The following ZSCAN5A variants were observed in gnomAD, a reference collection of about 807,000 sequenced individuals.
ZSCAN5A encodes the protein zinc finger and SCAN domain-containing protein 5A.
ZSCAN5A carries 12 observed loss-of-function variants against 23.7 expected under a neutral mutation model. That is an observed-to-expected ratio of 0.51 (90% CI 0.32 to 0.82). The LOEUF (loss-of-function observed/expected upper bound fraction) is 0.82. Among genes scored for constraint, ZSCAN5A ranks in the 40% least tolerant of loss-of-function variants. The pLI is 0.03. For missense variants in ZSCAN5A, 597 were observed against 617.9 expected, an observed-to-expected ratio of 0.97 and a Z score of 0.36; for synonymous variants, 257 against 239.9, an observed-to-expected ratio of 1.07 and a Z score of -0.66.
At chr19:56,247,015 G>A (rs748549763) in intron 2 of ZSCAN5A, 3 of 1,074,704 alleles carry the variant, frequency 2.8e-6, no homozygotes, top group Non-Finnish European at 1.4e-6. Flanking sequence ...TGCAGGTGCA[G>A]TCAGTCACCC....
intron 2 of ZSCAN5A, among the ~76,000 whole-genome samples, chr19:56,362,009 T>TACAAAAAATACAAAAAA (rs1315407640): frequency 1.3e-5 from 2 of 151,064 alleles, no homozygotes; most frequent in East Asian, 3.9e-4. Flanking sequence ...ATACAAAAAA[T>TACAAAAAATACAAAAAA]TAGCTGGGCG....
intron 2 of ZSCAN5A, chr19:56,246,871 C>T (rs1168347998): frequency 6.2e-7 from 1 of 1,610,720 alleles, no homozygotes. Flanking sequence ...CGCTCTGAAT[C>T]TGAGATGTCC....
intron 2 of ZSCAN5A, among the ~76,000 whole-genome samples, chr19:56,336,178 T>C (rs1265157475): frequency 1.3e-5 from 2 of 152,242 alleles, no homozygotes; most frequent in Non-Finnish European, 2.9e-5. Flanking sequence ...CTGCAGAGTG[T>C]TTTCCAACTT....
intron 2 of ZSCAN5A, among the ~76,000 whole-genome samples, chr19:56,264,019 G>C (rs560665668): frequency 4.0e-5 from 6 of 149,238 alleles, no homozygotes; most frequent in African/African-American, 1.2e-4. Flanking sequence ...ACCCATGCTG[G>C]AGTGCAATGG....
At chr19:56,288,184 C>T (rs1043900891) in intron 2 of ZSCAN5A, among the ~76,000 whole-genome samples, 1 of 152,190 alleles carries the variant, frequency 6.6e-6, no homozygotes, top group Non-Finnish European at 1.5e-5. Context: ...GTCTGCCTCA[C>T]TGAGCTCCAG....
intron 2 of ZSCAN5A, among the ~76,000 whole-genome samples, chr19:56,281,897 C>T (rs1314960747): frequency 6.6e-6 from 1 of 152,194 alleles, no homozygotes; most frequent in African/African-American, 2.4e-5. Context: ...ACTGGATGGA[C>T]TTTGAGGAGG....
In ZSCAN5A at chr19:56,319,995, TACTC is replaced by T. The variant is rs1370606106; in HGVS notation, c.-357-3731_-357-3728del. The T allele has an allele frequency of 6.5e-6, 6 of 927,998 alleles. No homozygotes were observed. The East Asian group carries it at 1.4e-4, about 22-fold the overall frequency. 57.5% of individuals were successfully genotyped at this position (927,998 alleles called of 1,614,324 possible). Reference sequence around the variant, plus strand: ...GTATTTTCATCCATTTGGACATTGATACTCTCTAATACACATGGAACATCAACAA... The same window carrying T: ...GTATTTTCATCCATTTGGACATTGATTCTAATACACATGGAACATCAACAA... On this transcript the variant is annotated intron_variant, in intron 2 of 6. Transcript: ENST00000587340.
At chr19:56,336,250 TA>T (rs1256377663) in intron 2 of ZSCAN5A, among the ~76,000 whole-genome samples, 5 of 152,238 alleles carry the variant, frequency 3.3e-5, no homozygotes, top group Non-Finnish European at 7.3e-5. Context: ...TCTTTTCAGA[TA>T]GTCCCATATT....
chr19:56,302,783 T>C (rs1026901369), intron 2 of ZSCAN5A: 5 of 397,740 alleles, frequency 1.3e-5, no homozygotes, highest in Non-Finnish European at 1.8e-5. Context: ...AGGGGCTCCT[T>C]TGAAATACTG....
chr19:56,318,340 G>A (rs1021744645), upstream of ZSCAN5A, among the ~76,000 whole-genome samples: 5 of 151,990 alleles, frequency 3.3e-5, no homozygotes, highest in East Asian at 1.9e-4. Flanking sequence ...ATAAATGCAC[G>A]TAGCTCATTC....
rs373938329 is a variant in ZSCAN5A, at chr19:56,225,023, T to A, written c.24A>T (p.Ser8=). MAANCTS[S]WSLGESCNRP... ...TGTTGCAGGATTCTCCTAGACTCCA[T>A]GAGGATGTGCAATTTGCAGCCATAT... The change falls in exon 3 of 6, where the codon TCA becomes TCT. Residue 8 remains serine, a synonymous_variant. Coordinates refer to ENST00000683990, the MANE Select transcript of ZSCAN5A (RefSeq NM_001322064.3). The A allele has an allele frequency of 1.1e-5, 18 of 1,604,780 alleles. No homozygotes were observed. The East Asian group carries it at 1.3e-4, about 12-fold the overall frequency.
intron 2 of ZSCAN5A, among the ~76,000 whole-genome samples, chr19:56,301,747 G>A (rs1460737307): frequency 6.6e-6 from 1 of 152,184 alleles, no homozygotes; most frequent in African/African-American, 2.4e-5. Flanking sequence ...TTGGATGTGA[G>A]GTGGGAGAGC....
At chr19:56,254,364 A>C (rs1283212337) in intron 2 of ZSCAN5A, among the ~76,000 whole-genome samples, 1 of 152,224 alleles carries the variant, frequency 6.6e-6, no homozygotes, top group Non-Finnish European at 1.5e-5. Context: ...AACAAATTCT[A>C]GGATAAACTG....
chr19:56,221,570 T>G lies in ZSCAN5A; in HGVS notation c.*5A>C. 1.3e-6 allele frequency: 2 copies of G among 1,586,216 alleles called. No individual in the cohort carries two copies. The highest frequency in any genetic ancestry group is 1.7e-6 in the Non-Finnish European group (2 of 1,167,578). On this transcript the variant is annotated 3_prime_UTR_variant, in exon 6 of 6. Coordinates refer to ENST00000683990, the MANE Select transcript of ZSCAN5A (RefSeq NM_001322064.3). ...GGTGCAGAAGGCATAGACCGGATTA[T>G]GCAATCACTGAGAAGTAGCTTCTGG...
chr19:56,230,698 T>C (rs960159373), intron 2 of ZSCAN5A, among the ~76,000 whole-genome samples: 2 of 151,790 alleles, frequency 1.3e-5, no homozygotes, highest in Admixed American at 1.3e-4. Flanking sequence ...ATTTCAAGTA[T>C]ACAGTACAGA....
chr19:56,316,290 G>A (rs1226613023), upstream of ZSCAN5A: 1 of 152,246 alleles, frequency 6.6e-6, no homozygotes, highest in Non-Finnish European at 1.5e-5. Context: ...TAACCAAGGG[G>A]TGCGCAATTG....
chr19:56,342,927 CAT>C (rs1470610230), intron 2 of ZSCAN5A: 3 of 1,007,162 alleles, frequency 3.0e-6, no homozygotes, highest in Non-Finnish European at 4.8e-6. Flanking sequence ...CTCAGAGTTC[CAT>C]ATAGCAGTGC....
At chr19:56,229,564 G>A (rs904895300) in intron 2 of ZSCAN5A, among the ~76,000 whole-genome samples, 1 of 152,176 alleles carries the variant, frequency 6.6e-6, no homozygotes, top group Non-Finnish European at 1.5e-5. Context: ...ACTGGGAGCT[G>A]CCTAAGCCAC....
intron 2 of ZSCAN5A, chr19:56,246,918 A>C: frequency 6.2e-7 from 1 of 1,604,480 alleles, no homozygotes; most frequent in Non-Finnish European, 8.5e-7. Flanking sequence ...CCATTTCCCA[A>C]GAAGGGCCTC....
Sources: allele counts gnomAD v4.1 joint callset (sites outside exome capture counted in the v4.1 genomes callset), GRCh38; gene constraint gnomAD v4.1.1; transcripts MANE v1.5; gene names NCBI Gene and HGNC (gene_info 2026-07-23, HGNC 2026-07-21).